Variants in GTF3C2 observed in about 807,000 individuals in gnomAD.
GTF3C2 encodes general transcription factor IIIC subunit 2.
GTF3C2 carries 17 observed loss-of-function variants against 117.4 expected under a neutral mutation model. The observed-to-expected ratio is 0.14, with a 90% confidence interval of 0.10 to 0.22. The LOEUF is 0.22. GTF3C2 is among the 10% of genes least tolerant of loss of function. The pLI is 1.00. For missense variants in GTF3C2, 888 were observed against 1,143.6 expected, an observed-to-expected ratio of 0.78 and a Z score of 3.22; for synonymous variants, 437 against 427.0, an observed-to-expected ratio of 1.02 and a Z score of -0.29.
chr2:27,350,940 C>G (rs527321800), intron 1 of GTF3C2, among the ~76,000 whole-genome samples: 10 of 142,212 alleles, frequency 7.0e-5, no homozygotes, highest in African/African-American at 2.4e-4. Flanking sequence ...CACAGCAAGA[C>G]TCCATCTCAA....
chr2:27,347,607 C>G (rs1184456485), intron 1 of GTF3C2, among the ~76,000 whole-genome samples: 1 of 151,706 alleles, frequency 6.6e-6, no homozygotes, highest in Non-Finnish European at 1.5e-5. Flanking sequence ...TGAAGAGTAC[C>G]CTTTTGAAGA....
chr2:27,337,589 A>C (rs1328445661), intron 5 of GTF3C2, 31 bp from the exon 6 acceptor site: 1 of 1,432,610 alleles, frequency 7.0e-7, no homozygotes, highest in Non-Finnish European at 9.9e-7. Context: ...TTAATGAAGG[A>C]GAGGGATTCT....
chr2:27,352,299 T>TGCTCTCCCCCTACAC (rs1202061772), intron 1 of GTF3C2, among the ~76,000 whole-genome samples: 1 of 152,202 alleles, frequency 6.6e-6, no homozygotes, highest in Non-Finnish European at 1.5e-5. Flanking sequence ...AGCCCCTACA[T>TGCTCTCCCCCTACAC]GCTCTCCCCC....
chr2:27,350,290 T>C (rs1183737159), intron 1 of GTF3C2: 1 of 410,430 alleles, frequency 2.4e-6, no homozygotes, highest in Non-Finnish European at 3.3e-6. Flanking sequence ...AAAATGCAAA[T>C]TCCTAGTTCT....
rs376267682 is a variant in GTF3C2, at chr2:27,336,030, T to C, written c.1356-2A>G. ...ACAAAGTGGGCCCTGTTGCCAGGAC[T>C]GGAGAGAGAGAGCATGTGGGGATGG... On this transcript the variant is annotated splice_acceptor_variant, in intron 8 of 18. Transcript: ENST00000264720. LOFTEE classifies it high-confidence loss of function. 7 of 1,595,038 alleles carry C rather than the reference T, an allele frequency of 4.4e-6. No homozygotes were observed. The Admixed American group carries it at 1.2e-4, about 27-fold the overall frequency.
chr2:27,335,727 T>C (rs1277547622), intron 9 of GTF3C2, 21 bp from the exon 10 acceptor site: 2 of 1,459,564 alleles, frequency 1.4e-6, no homozygotes, highest in Non-Finnish European at 1.9e-6. Flanking sequence ...AAAGGTATGC[T>C]GAGGCTTGCT....
At position 27,349,580 on chromosome 2, in the gene GTF3C2, T is replaced by A. The variant is rs147411704; in HGVS notation, c.-24-6002A>T. ...AATCTAAGCAAAAACAAAGGAGGAG[T>A]TTTGATGACAATAGTAAAGTCGAAT... On this transcript the variant is annotated intron_variant, in intron 1 of 18. Coordinates refer to ENST00000264720, the Ensembl canonical transcript of GTF3C2. Among the ~76,000 whole-genome samples, 317 of 151,090 alleles carry A rather than the reference T, an allele frequency of 2.1e-3. 10 individuals are homozygous for A. The East Asian group carries it at 0.053, about 25-fold the overall frequency.
intron 1 of GTF3C2, among the ~76,000 whole-genome samples, chr2:27,344,462 C>T (rs1263408369): frequency 6.6e-6 from 1 of 152,088 alleles, no homozygotes; most frequent in Non-Finnish European, 1.5e-5. Context: ...ACCTCTGTCT[C>T]TGAAACCCAA....
intron 1 of GTF3C2, among the ~76,000 whole-genome samples, chr2:27,348,304 G>T (rs921729684): frequency 5.3e-5 from 8 of 150,908 alleles, no homozygotes; most frequent in African/African-American, 1.9e-4. Context: ...GGCATGGTGG[G>T]CAGCAGGGAC....
chr2:27,338,445 C>T (rs995807977), intron 4 of GTF3C2, among the ~76,000 whole-genome samples: 19 of 107,736 alleles, frequency 1.8e-4, no homozygotes, highest in African/African-American at 3.1e-4. Context: ...TACACAGGCG[C>T]GCACGCGCAC....
intron 18 of GTF3C2, 70 bp from the exon 19 acceptor site, chr2:27,326,963 G>GAA: frequency 1.1e-6 from 1 of 912,450 alleles, no homozygotes; most frequent in African/African-American, 1.9e-5. Context: ...CTAGCTGTAT[G>GAA]AACAAAAAAA....
At chr2:27,336,854 C>A (rs1480910134) in intron 7 of GTF3C2, 1 of 224,682 alleles carries the variant, frequency 4.5e-6, no homozygotes, top group Non-Finnish European at 8.8e-6. Context: ...AAGTAATCCT[C>A]CCTTTTTGGC....
chr2:27,333,484 G>A (rs937588637), intron 12 of GTF3C2, 171 bp downstream of exon 12: 1 of 573,798 alleles, frequency 1.7e-6, no homozygotes, highest in Admixed American at 3.3e-5. Flanking sequence ...ATTTTTTTCT[G>A]AGTAGAAATA....
exon 19 of GTF3C2, chr2:27,326,646 T>C (rs756408181): frequency 3.2e-6 from 5 of 1,548,796 alleles, no homozygotes; most frequent in Non-Finnish European, 4.5e-6. Context: ...TTGACCGACT[T>C]CACTCCAAGG....
chr2:27,341,892 C>T (rs932977223), intron 4 of GTF3C2, 56 bp downstream of exon 4: 3 of 1,433,124 alleles, frequency 2.1e-6, no homozygotes, highest in Non-Finnish European at 9.7e-7. Flanking sequence ...CAGTACCTTG[C>T]TGGTCCCCTA....
chr2:27,330,140 CAA>C (rs35471821), intron 12 of GTF3C2, among the ~76,000 whole-genome samples: 23 of 84,248 alleles, frequency 2.7e-4, no homozygotes, highest in Admixed American at 4.1e-4. Flanking sequence ...GACTCCGTCT[CAA>C]AAAAAAAAAA....
chr2:27,336,569 C>A, intron 7 of GTF3C2, 144 bp from the exon 8 acceptor site: 1 of 602,272 alleles, frequency 1.7e-6, no homozygotes, highest in East Asian at 2.8e-5. Context: ...GAACAGAGTC[C>A]TTGGCTTCCA....
chr2:27,328,017 T>C lies in GTF3C2; in HGVS notation c.2409+20A>G. 1 of 1,596,908 alleles carries C rather than the reference T, an allele frequency of 6.3e-7. No individual in the cohort carries two copies. The highest frequency in any genetic ancestry group is 8.5e-7 in the Non-Finnish European group (1 of 1,171,126). On this transcript the variant is annotated intron_variant, in intron 17 of 18. Transcript: ENST00000264720. ...TCTACCTTTTCTAATACCACACCCATTCTCCTGGCCTCAGCTTACCAAATC... is the reference window on the plus strand; with the variant it reads ...TCTACCTTTTCTAATACCACACCCACTCTCCTGGCCTCAGCTTACCAAATC...
chr2:27,335,495 G>A, intron 10 of GTF3C2, 103 bp downstream of exon 10: 2 of 733,292 alleles, frequency 2.7e-6, no homozygotes, highest in Non-Finnish European at 5.0e-6. Context: ...AAGGCTTTGT[G>A]CTAAGAGAGA....
Sources: gnomAD v4.1 joint callset for allele counts (sites outside exome capture counted in the v4.1 genomes callset) on GRCh38, gnomAD v4.1.1 for gene constraint, MANE v1.5 for transcripts, NCBI Gene and HGNC (gene_info 2026-07-23, HGNC 2026-07-21) for gene names.